IL4I1: variants seen among roughly 807,000 people sequenced by gnomAD.
IL4I1 encodes interleukin 4 induced 1.
Under a neutral mutation model 29.7 loss-of-function variants are expected in IL4I1, and 24 were observed. The ratio of observed to expected loss-of-function variants is 0.81; its 90% CI spans 0.59 to 1.14. The LOEUF is 1.14. IL4I1 is among the 50% of genes most tolerant of loss of function. IL4I1 has a pLI of 0.00. For missense variants in IL4I1, 686 were observed against 785.6 expected, an observed-to-expected ratio of 0.87 and a Z score of 1.52; for synonymous variants, 371 against 352.5, an observed-to-expected ratio of 1.05 and a Z score of -0.59.
chr19:49,899,543 C>T (rs1367700940), upstream of IL4I1, among the ~76,000 whole-genome samples: 2 of 151,224 alleles, frequency 1.3e-5, no homozygotes, highest in South Asian at 2.1e-4. Flanking sequence ...CACTACCACA[C>T]CTGTTTTTTG....
At chr19:49,901,518 C>T (rs1044793114), upstream of IL4I1, 11 of 557,570 alleles carry the variant, frequency 2.0e-5, no homozygotes, top group South Asian at 9.0e-5. Flanking sequence ...ACTCAGGGAT[C>T]GGAGGACAGA....
chr19:49,902,811 C>T (rs1463249871), intron 3 of IL4I1, among the ~76,000 whole-genome samples: 2 of 149,252 alleles, frequency 1.3e-5, no homozygotes, highest in Non-Finnish European at 3.0e-5. Context: ...GGCGACAGAG[C>T]GGGACTGCAT....
rs769461578 is a variant in IL4I1 at position 49,890,296 on chromosome 19, G to A, written c.1078C>T (p.Arg360Cys). 6.9e-6 allele frequency: 11 copies of A among 1,603,502 alleles called. No individual in the cohort carries two copies. The highest frequency in any genetic ancestry group is 9.4e-6 in the Non-Finnish European group (11 of 1,175,916). The stretch of plus-strand genomic sequence containing the variant: ...TGCTCCTCGCGCCAGAAGGGCCTGC[G>A]GAAGCTTAGGAACACCTTGGTGGCC... ...VPATKVFLSF[R>C]RPFWREEHIE... Residue 360 changes from arginine to cysteine, a missense_variant, in exon 8 of 8, where the codon CGC becomes TGC. Transcript: ENST00000391826.
rs2290772 is a variant in IL4I1, at chr19:49,889,873, C to A, written c.1501G>T (p.Ala501Ser). The A allele has an allele frequency of 3.3e-4, 531 of 1,597,156 alleles. 6 individuals are homozygous for A. The East Asian group carries it at 0.012, about 35-fold the overall frequency. Residue 501 changes from alanine (A) to serine (S), a missense_variant, in exon 8 of 8, where the codon GCC becomes TCC. By Grantham distance (99) the Ala-to-Ser change is moderately conservative. Transcript: ENST00000391826. Reference protein sequence around the residue: ...ETAVKSALRAAIKINSRKGPA... With the variant: ...ETAVKSALRASIKINSRKGPA... ...CCCTTCCGGCTGTTGATCTTGATGGCGGCGCGCAGCGCCGACTTGACCGCC... is the reference window on the plus strand; with the variant it reads ...CCCTTCCGGCTGTTGATCTTGATGGAGGCGCGCAGCGCCGACTTGACCGCC...
chr19:49,901,686 GT>G, upstream of IL4I1: 1 of 1,538,606 alleles, frequency 6.5e-7, no homozygotes, highest in South Asian at 1.2e-5. Context: ...GGCCTTTATG[GT>G]TAGCCCAGGA....
chr19:49,922,652 G>A (rs1003459612), intron 2 of IL4I1, among the ~76,000 whole-genome samples: 1 of 151,872 alleles, frequency 6.6e-6, no homozygotes, highest in Non-Finnish European at 1.5e-5. Context: ...CTGGTGGTTT[G>A]CTGGGGTTTT....
At chr19:49,896,516 C>A (rs935362523) in intron 1 of IL4I1, among the ~76,000 whole-genome samples, 2 of 152,062 alleles carry the variant, frequency 1.3e-5, no homozygotes, top group Non-Finnish European at 1.5e-5. Context: ...CTCACTGCAA[C>A]CTCCGCCTCC....
chr19:49,901,522 G>C, upstream of IL4I1: 1 of 583,828 alleles, frequency 1.7e-6, no homozygotes. Flanking sequence ...AGGGATCGGA[G>C]GACAGAATTA....
At chr19:49,928,714 G>A (rs1047696360) in intron 1 of IL4I1, 23 of 152,180 alleles carry the variant, frequency 1.5e-4, no homozygotes, top group African/African-American at 5.1e-4. Context: ...TTGGGAGAGT[G>A]CTGTGACTCA....
chr19:49,908,058 A>G, intron 2 of IL4I1: 2 of 1,313,580 alleles, frequency 1.5e-6, no homozygotes, highest in Middle Eastern at 2.7e-4. Flanking sequence ...CCTGGGCAGA[A>G]GGCCCAGAAT....
intron 2 of IL4I1, chr19:49,909,473 C>A: frequency 6.8e-6 from 11 of 1,614,138 alleles, no homozygotes; most frequent in Non-Finnish European, 9.3e-6. Context: ...CCCAAAGCCG[C>A]TGGGGTTTGC....
At position 49,890,103 on chromosome 19, in the gene IL4I1, G is replaced by T; in HGVS notation, c.1271C>A (p.Ala424Glu). The T allele has an allele frequency of 6.5e-7, 1 of 1,544,518 alleles. No homozygotes were observed. ...EALRLALDDV[A>E]ALHGPVVRQL... ...GCGCACGACAGGCCCGTGCAATGCC[G>T]CCACGTCGTCGAGCGCCAAGCGCAA... The change falls in exon 8 of 8, where the codon GCG becomes GAG. Residue 424 changes from alanine to glutamate, a missense_variant. Physicochemically the swap from Ala to Glu is moderately radical, Grantham distance 107 (BLOSUM62 -1). Coordinates refer to ENST00000391826, the MANE Select transcript of IL4I1 (RefSeq NM_152899.2).
intron 3 of IL4I1, among the ~76,000 whole-genome samples, chr19:49,902,585 T>C (rs2075280786): frequency 6.6e-6 from 1 of 152,100 alleles, no homozygotes; most frequent in Non-Finnish European, 1.5e-5. Flanking sequence ...CACAGTACTT[T>C]GGGAGGCCGA....
chr19:49,909,809 G>A lies in IL4I1; in HGVS notation c.-227-5488C>T, dbSNP rs559980846. 12 of 1,613,928 alleles carry A rather than the reference G, an allele frequency of 7.4e-6. No homozygotes were observed. In the East Asian group the frequency reaches 2.0e-4, roughly 27 times the overall value. On this transcript the variant is annotated intron_variant, in intron 2 of 9. Coordinates refer to the IL4I1 transcript ENST00000341114. ...GCCTCCAAAATTAAACCCGCTCATG[G>A]CTCCGGACTCTGGTGGCGGCAGCTA...
intron 2 of IL4I1, among the ~76,000 whole-genome samples, chr19:49,926,314 G>A (rs1381055146): frequency 6.6e-6 from 1 of 151,582 alleles, no homozygotes; most frequent in Non-Finnish European, 1.5e-5. Context: ...TGGATCACCT[G>A]AAGTCAGGAG....
intron 7 of IL4I1, 43 bp downstream of exon 7, chr19:49,890,928 T>TGGGGGGGGG: frequency 4.7e-6 from 3 of 633,190 alleles, no homozygotes; most frequent in Non-Finnish European, 2.4e-6. Context: ...TTTCCCTGAT[T>TGGGGGGGGG]GCCCCCCGCC....
At chr19:49,898,346 A>T (rs557940562), upstream of IL4I1, among the ~76,000 whole-genome samples, 13 of 152,110 alleles carry the variant, frequency 8.5e-5, no homozygotes, top group African/African-American at 2.7e-4. Flanking sequence ...AAAATAAAAA[A>T]TAGTAATGAG....
Position 49,891,126 on chromosome 19 carries a change from C to G in IL4I1, c.637-19G>C, listed in dbSNP as rs773969539. The G allele has an allele frequency of 1.2e-6, 2 of 1,608,676 alleles. No homozygotes were observed. Among genetic ancestry groups the G allele is most frequent in the South Asian group, 1.1e-5 (1 of 90,608 alleles). On this transcript the variant is annotated intron_variant, in intron 6 of 7. Coordinates refer to ENST00000391826, the MANE Select transcript of IL4I1 (RefSeq NM_152899.2). Reference sequence around the variant, plus strand: ...GATATTCCTGCAGGTTGGGCACAGGCCGAGGTTAGGGCCCAGGCAGGCTGC... The same window carrying G: ...GATATTCCTGCAGGTTGGGCACAGGGCGAGGTTAGGGCCCAGGCAGGCTGC...
At chr19:49,900,709 G>A (rs769933842), upstream of IL4I1, among the ~76,000 whole-genome samples, 1 of 152,172 alleles carries the variant, frequency 6.6e-6, no homozygotes, top group Non-Finnish European at 1.5e-5. Flanking sequence ...AGGGAGGGGA[G>A]GGGCAGGTGG....
Sources: allele counts gnomAD v4.1 joint callset (sites outside exome capture counted in the v4.1 genomes callset), GRCh38; gene constraint gnomAD v4.1.1; transcripts MANE v1.5; gene names NCBI Gene and HGNC (gene_info 2026-07-23, HGNC 2026-07-21).